SV2C: variants seen among roughly 807,000 people sequenced by gnomAD.
The protein encoded by SV2C is solute carrier family 22 member B3.
SV2C carries 49 observed loss-of-function variants against 79.7 expected under a neutral mutation model. That is an observed-to-expected ratio of 0.61 (90% CI 0.49 to 0.78). The LOEUF is 0.78. SV2C is among the 30% of genes least tolerant of loss of function. The pLI, the probability that SV2C is intolerant of heterozygous loss-of-function variation, is 0.00. For missense variants in SV2C, 833 were observed against 912.9 expected (o/e 0.91, Z 1.13); for synonymous variants, 334 against 333.2 (o/e 1.00, Z -0.03).
At chr5:75,891,747 C>T in the SV2C span, among the ~76,000 whole-genome samples, 15 of 152,056 alleles carry the variant, frequency 9.9e-5, no homozygotes, top group African/African-American at 3.4e-4. Flanking sequence ...AATCTCAGAC[C>T]ATGTAAATGT....
chr5:76,292,320 T>TA (rs1388760770), intron 8 of SV2C, among the ~76,000 whole-genome samples: 3 of 152,188 alleles, frequency 2.0e-5, no homozygotes, highest in African/African-American at 7.2e-5. Context: ...CCTCTCTTTT[T>TA]AAAAAATTGC....
chr5:75,977,272 A>G, the SV2C span, among the ~76,000 whole-genome samples: 2 of 152,130 alleles, frequency 1.3e-5, no homozygotes, highest in Non-Finnish European at 2.9e-5. Flanking sequence ...AAAAAACAGG[A>G]GATTTACAGC....
the SV2C span, among the ~76,000 whole-genome samples, chr5:75,884,899 C>A: frequency 2.6e-5 from 4 of 151,984 alleles, no homozygotes; most frequent in African/African-American, 9.7e-5. Flanking sequence ...AATACTGAAT[C>A]TTCAGAGTAT....
intron 12 of SV2C, among the ~76,000 whole-genome samples, chr5:76,324,133 C>A (rs182740116): frequency 6.6e-6 from 1 of 151,880 alleles, no homozygotes; most frequent in African/African-American, 2.4e-5. Context: ...TTTCTCTTTA[C>A]TTATCTGATA....
chr5:76,078,706 G>T, upstream of SV2C: 1 of 518,022 alleles, frequency 1.9e-6, no homozygotes, highest in Non-Finnish European at 3.9e-6. Context: ...TTCATGCTCG[G>T]TGCCAAAGCT....
the SV2C span, among the ~76,000 whole-genome samples, chr5:76,029,792 A>G: frequency 6.6e-6 from 1 of 152,220 alleles, no homozygotes; most frequent in African/African-American, 2.4e-5. Context: ...CCATTACAAT[A>G]CCATTTACCG....
intron 1 of SV2C, among the ~76,000 whole-genome samples, chr5:76,122,934 G>T (rs1471128506): frequency 1.3e-5 from 2 of 152,056 alleles, no homozygotes; most frequent in African/African-American, 4.8e-5. Context: ...TCCAGGAGCT[G>T]GTTTTTTGAA....
chr5:76,297,187 AT>A (rs913891390), intron 9 of SV2C, among the ~76,000 whole-genome samples: 25 of 152,188 alleles, frequency 1.6e-4, no homozygotes, highest in African/African-American at 6.0e-4. Context: ...GATAGAAACA[AT>A]TTTTTTGTCC....
At chr5:76,165,016 A>G (rs1409991461) in intron 2 of SV2C, among the ~76,000 whole-genome samples, 3 of 84,398 alleles carry the variant, frequency 3.6e-5, no homozygotes, top group Non-Finnish European at 5.9e-5. Flanking sequence ...AAGTCTGTAC[A>G]TATTCAGTAC....
chr5:76,073,678 C>T, the SV2C span, among the ~76,000 whole-genome samples: 1 of 151,270 alleles, frequency 6.6e-6, no homozygotes, highest in African/African-American at 2.4e-5. Context: ...TGTTGTTACT[C>T]ATAAGTGGAA....
chr5:76,069,748 G>T, the SV2C span, among the ~76,000 whole-genome samples: 1 of 152,046 alleles, frequency 6.6e-6, no homozygotes, highest in African/African-American at 2.4e-5. Flanking sequence ...GATTGTCTTT[G>T]CTTCTCCTCT....
chr5:75,963,475 TG>T, the SV2C span, among the ~76,000 whole-genome samples: 1 of 152,172 alleles, frequency 6.6e-6, no homozygotes, highest in Non-Finnish European at 1.5e-5. Context: ...GTTTTGTCTT[TG>T]TCTTCTAAAA....
chr5:76,210,776 C>A (rs1179545444), intron 4 of SV2C, among the ~76,000 whole-genome samples: 1 of 152,160 alleles, frequency 6.6e-6, no homozygotes. Flanking sequence ...AGGAGCCCAC[C>A]AACAGTTGTC....
the SV2C span, among the ~76,000 whole-genome samples, chr5:75,890,503 C>T: frequency 6.6e-6 from 1 of 152,034 alleles, no homozygotes; most frequent in Non-Finnish European, 1.5e-5. Flanking sequence ...TATAAATTTC[C>T]ATCATTCCAT....
At chr5:76,173,624 G>A (rs750423770) in intron 2 of SV2C, 4 of 1,608,614 alleles carry the variant, frequency 2.5e-6, no homozygotes, top group Non-Finnish European at 3.4e-6. Context: ...AATGCATTTA[G>A]TATATTAAAG....
At chr5:76,138,802 T>C (rs1388679297) in intron 2 of SV2C, among the ~76,000 whole-genome samples, 1 of 152,228 alleles carries the variant, frequency 6.6e-6, no homozygotes, top group Non-Finnish European at 1.5e-5. Flanking sequence ...TAACTCAAGA[T>C]ATGAACATAT....
chr5:75,852,080 C>T, the SV2C span, among the ~76,000 whole-genome samples: 2 of 152,128 alleles, frequency 1.3e-5, no homozygotes, highest in South Asian at 2.1e-4. Context: ...AATTTACCAC[C>T]GCATGTTCTC....
intron 2 of SV2C, among the ~76,000 whole-genome samples, chr5:76,169,600 A>T (rs920622860): frequency 2.6e-5 from 4 of 152,208 alleles, no homozygotes; most frequent in Non-Finnish European, 5.9e-5. Context: ...ACCTTCCCCA[A>T]TTAACAAAAG....
At chr5:76,124,266 A>G (rs1748628368) in intron 1 of SV2C, among the ~76,000 whole-genome samples, 1 of 152,006 alleles carries the variant, frequency 6.6e-6, no homozygotes, top group African/African-American at 2.4e-5. Context: ...AAAACTCCCC[A>G]TTCCCCACTT....
Sources: gnomAD v4.1 joint callset for allele counts (sites outside exome capture counted in the v4.1 genomes callset) on GRCh38, gnomAD v4.1.1 for gene constraint, MANE v1.5 for transcripts, NCBI Gene and HGNC (gene_info 2026-07-23, HGNC 2026-07-21) for gene names.